Variants in DPP10 observed in about 807,000 individuals in gnomAD.
The protein encoded by DPP10 is inactive dipeptidyl peptidase 10.
In DPP10, 33 loss-of-function variants were observed where a neutral mutation model predicts 120.9. The observed-to-expected ratio is 0.27, with a 90% CI of 0.21 to 0.37. The LOEUF is 0.37. Among genes scored for constraint, DPP10 ranks in the 10% least tolerant of loss-of-function variants. The pLI, the probability that DPP10 is intolerant of heterozygous loss-of-function variation, is 1.00. For missense variants in DPP10, 816 were observed against 942.8 expected, an observed-to-expected ratio of 0.87 and a Z score of 1.76; for synonymous variants, 337 against 326.1, an observed-to-expected ratio of 1.03 and a Z score of -0.36.
At chr2:115,381,264 T>G (rs1043582630) in intron 3 of DPP10, among the ~76,000 whole-genome samples, 5 of 152,178 alleles carry the variant, frequency 3.3e-5, no homozygotes, top group African/African-American at 1.2e-4. Flanking sequence ...TTTTATTCTT[T>G]TTTCTCTAAG....
chr2:114,542,935 C>A (rs190263268), intron 1 of DPP10, among the ~76,000 whole-genome samples: 193 of 152,246 alleles, frequency 1.3e-3, no homozygotes, highest in African/African-American at 4.5e-3. Context: ...ATGCCTGAAA[C>A]CTTGGATTGG....
At chr2:115,707,301 G>C (rs1311245318) in intron 7 of DPP10, among the ~76,000 whole-genome samples, 3 of 151,670 alleles carry the variant, frequency 2.0e-5, no homozygotes, top group African/African-American at 4.8e-5. Context: ...CAGAATACTT[G>C]ACATGTTTAA....
intron 1 of DPP10, among the ~76,000 whole-genome samples, chr2:115,106,866 G>C (rs2048971314): frequency 6.6e-6 from 1 of 152,098 alleles, no homozygotes; most frequent in African/African-American, 2.4e-5. Context: ...ATGAGGTCAG[G>C]AGATCGAGAC....
At chr2:114,692,532 G>T (rs1699825312) in intron 1 of DPP10, among the ~76,000 whole-genome samples, 1 of 151,936 alleles carries the variant, frequency 6.6e-6, no homozygotes, top group Admixed American at 6.6e-5. Context: ...GTGCCATGTG[G>T]TGATGAAAAG....
At chr2:115,768,753 A>G (rs1681100745) in intron 13 of DPP10, among the ~76,000 whole-genome samples, 1 of 152,134 alleles carries the variant, frequency 6.6e-6, no homozygotes, top group Non-Finnish European at 1.5e-5. Context: ...CCTATTTTGT[A>G]CAAGTAATAT....
chr2:114,446,337 C>T (rs1035721091), intron 1 of DPP10, among the ~76,000 whole-genome samples: 3 of 152,082 alleles, frequency 2.0e-5, no homozygotes, highest in Non-Finnish European at 2.9e-5. Context: ...AGTCTAGTAT[C>T]CTCGTGTGTC....
intron 7 of DPP10, among the ~76,000 whole-genome samples, chr2:115,710,789 A>G (rs1375393727): frequency 6.6e-6 from 1 of 152,096 alleles, no homozygotes; most frequent in Non-Finnish European, 1.5e-5. Flanking sequence ...AGTTTTAATC[A>G]TGCAGTTAAT....
intron 1 of DPP10, among the ~76,000 whole-genome samples, chr2:115,050,994 A>G (rs6755179): frequency 0.97 from 147,337 of 152,264 alleles, 71,495 homozygotes; most frequent in Middle Eastern, 1. Context: ...ACCATAACAA[A>G]CAGAACATGA....
rs193231091 is a variant in DPP10 at position 114,996,581 on chromosome 2, C to T, written c.61-312658C>T. ...CTTTATAGTTTAGGCAATATTAACACCTTACATCTGTAATTTTAGCATTTT... is the reference window on the plus strand; with the variant it reads ...CTTTATAGTTTAGGCAATATTAACATCTTACATCTGTAATTTTAGCATTTT... On this transcript the variant is annotated intron_variant, in intron 1 of 25. Coordinates refer to ENST00000410059, the MANE Select transcript of DPP10 (RefSeq NM_020868.6). 5.3e-5 allele frequency among the ~76,000 whole-genome samples: 8 copies of T among 152,230 alleles called. No homozygotes were observed. The South Asian group carries it at 1.4e-3, about 28-fold the overall frequency.
chr2:114,963,738 C>T (rs1698814019), intron 1 of DPP10, among the ~76,000 whole-genome samples: 1 of 152,090 alleles, frequency 6.6e-6, no homozygotes, highest in Non-Finnish European at 1.5e-5. Flanking sequence ...TTGAAGAAAC[C>T]AATGAGGGTA....
intron 1 of DPP10, among the ~76,000 whole-genome samples, chr2:114,800,142 G>A (rs920670405): frequency 6.6e-6 from 1 of 152,148 alleles, no homozygotes; most frequent in African/African-American, 2.4e-5. Context: ...GGCTATACAC[G>A]ATTAAATGGA....
chr2:115,561,025 A>G (rs2080623682), intron 5 of DPP10, among the ~76,000 whole-genome samples: 1 of 152,034 alleles, frequency 6.6e-6, no homozygotes, highest in Non-Finnish European at 1.5e-5. Flanking sequence ...CCCATTACCT[A>G]AATTGAGATG....
chr2:114,545,822 T>G (rs1687346337), intron 1 of DPP10, among the ~76,000 whole-genome samples: 1 of 152,244 alleles, frequency 6.6e-6, no homozygotes, highest in South Asian at 2.1e-4. Flanking sequence ...AAACTCAGTC[T>G]AGTTTTGGAT....
chr2:114,603,416 T>C (rs1466670543), intron 1 of DPP10, among the ~76,000 whole-genome samples: 1 of 152,076 alleles, frequency 6.6e-6, no homozygotes, highest in Non-Finnish European at 1.5e-5. Context: ...TGTCTGCGTT[T>C]TAGGTTCTTA....
intron 1 of DPP10, among the ~76,000 whole-genome samples, chr2:114,560,537 C>T (rs1227723328): frequency 6.6e-6 from 1 of 152,116 alleles, no homozygotes; most frequent in Non-Finnish European, 1.5e-5. Flanking sequence ...GGCTTACATA[C>T]CCTATAGCCA....
At chr2:114,481,962 GAGAGAGA>G (rs908264851) in intron 1 of DPP10, among the ~76,000 whole-genome samples, 40 of 141,698 alleles carry the variant, frequency 2.8e-4, no homozygotes, top group African/African-American at 1.1e-3. Context: ...GAGGAGAGGA[GAGAGAGA>G]GAGAGGAGAG....
chr2:114,495,064 C>T (rs890663787), intron 1 of DPP10, among the ~76,000 whole-genome samples: 2 of 151,928 alleles, frequency 1.3e-5, no homozygotes, highest in African/African-American at 2.4e-5. Flanking sequence ...GGGAGAGGAA[C>T]AAGTATAGTA....
intron 1 of DPP10, among the ~76,000 whole-genome samples, chr2:115,111,358 G>T (rs1235370847): frequency 1.4e-4 from 21 of 151,580 alleles, no homozygotes; most frequent in Admixed American, 1.3e-3. Flanking sequence ...ATTGGATTTT[G>T]TTCCTAAGGA....
At chr2:115,836,401 AT>A in intron 22 of DPP10, 105 bp from the exon 23 acceptor site, 1 of 1,470,160 alleles carries the variant, frequency 6.8e-7, no homozygotes, top group South Asian at 1.2e-5. Flanking sequence ...GATTCAGCTG[AT>A]TTTACTAAAG....
Sources: gnomAD v4.1 joint callset for allele counts (sites outside exome capture counted in the v4.1 genomes callset) on GRCh38, gnomAD v4.1.1 for gene constraint, MANE v1.5 for transcripts, NCBI Gene and HGNC (gene_info 2026-07-23, HGNC 2026-07-21) for gene names.